The following RB1 variants were observed in gnomAD, a reference collection of about 807,000 sequenced individuals.
RB1 encodes the protein retinoblastoma-associated protein.
RB1 carries 18 observed loss-of-function variants against 135.4 expected under a neutral mutation model. The ratio of observed to expected loss-of-function variants is 0.13; its 90% CI spans 0.09 to 0.20. RB1 has a LOEUF of 0.20. Among genes scored for constraint, RB1 ranks in the 10% least tolerant of loss-of-function variants. The pLI is 1.00. For synonymous variants in RB1, 365 were observed against 373.2 expected, an observed-to-expected ratio of 0.98 and a Z score of 0.25; for missense variants, 868 against 1,110.0, an observed-to-expected ratio of 0.78 and a Z score of 3.10.
intron 1 of RB1, among the ~76,000 whole-genome samples, chr13:48,305,182 T>C (rs1261054701): frequency 2.0e-5 from 3 of 152,200 alleles, no homozygotes; most frequent in Non-Finnish European, 4.4e-5. Context: ...CCCATTCTTG[T>C]CTATCACCAA....
intron 2 of RB1, among the ~76,000 whole-genome samples, chr13:48,307,730 G>T (rs1952095845): frequency 6.6e-6 from 1 of 150,960 alleles, no homozygotes; most frequent in Non-Finnish European, 1.5e-5. Context: ...GCAGGGTGTG[G>T]CGTGCGCCTG....
At chr13:48,459,950 T>TTTCTTCC (rs765008765) in intron 20 of RB1, 117 bp downstream of exon 20, 1 of 228,776 alleles carries the variant, frequency 4.4e-6, no homozygotes, top group Non-Finnish European at 7.3e-6. Flanking sequence ...TCTTTCTTTC[T>TTTCTTCC]TTTTCTTTCT....
At chr13:48,432,147 G>A (rs1949136545) in intron 17 of RB1, among the ~76,000 whole-genome samples, 1 of 152,088 alleles carries the variant, frequency 6.6e-6, no homozygotes, top group African/African-American at 2.4e-5. Context: ...TGCTAATAAG[G>A]GGACATTTGA....
chr13:48,308,570 T>G (rs896673926), intron 2 of RB1, among the ~76,000 whole-genome samples: 1 of 151,810 alleles, frequency 6.6e-6, no homozygotes, highest in Non-Finnish European at 1.5e-5. Flanking sequence ...GGAGAATTGC[T>G]TGAACCTGGG....
At chr13:48,472,213 A>T (rs1165097421) in intron 23 of RB1, among the ~76,000 whole-genome samples, 1 of 152,206 alleles carries the variant, frequency 6.6e-6, no homozygotes, top group African/African-American at 2.4e-5. Flanking sequence ...GGGCAAGAAA[A>T]GGGGGCATAT....
intron 17 of RB1, among the ~76,000 whole-genome samples, chr13:48,415,262 T>TTTTTC (rs576109278): frequency 4.6e-5 from 7 of 151,934 alleles, no homozygotes; most frequent in South Asian, 2.1e-4. Flanking sequence ...CATCTATAGT[T>TTTTTC]TTTTCTTTTC....
Position 48,465,404 on chromosome 13 carries a change from G to C in RB1, c.2489+36G>C, listed in dbSNP as rs777720995. On this transcript the variant is annotated intron_variant, in intron 23 of 26. Transcript: ENST00000267163. The stretch of plus-strand genomic sequence containing the variant: ...TCTCTTTAGGGAAGTAGTAAAGAAT[G>C]AGAGGGGGATTATTTTGATCCAAGA... 6 of 1,522,464 alleles carry C rather than the reference G, an allele frequency of 3.9e-6. No individual in the cohort carries two copies. In the South Asian group the frequency reaches 6.7e-5, roughly 17 times the overall value. The allele number at this position is 1,522,464 out of a possible 1,614,324, so 94.3% of individuals were successfully genotyped here. A position where few individuals can be genotyped will look rare whatever the true frequency, so the allele number is the denominator to read the frequency against.
chr13:48,362,727 TA>T, intron 7 of RB1, 87 bp from the exon 8 acceptor site: 1 of 1,381,496 alleles, frequency 7.2e-7, no homozygotes, highest in Non-Finnish European at 1.0e-6. Flanking sequence ...TTACCAAGAT[TA>T]TTTTTGACCT....
chr13:48,347,787 G>A lies in RB1; in HGVS notation c.501-38G>A, dbSNP rs3092884. Reference sequence around the variant, plus strand: ...AAAACTACTATGACTTCTAAATTACGAAAAAATGTTAAAAAGTCATAATGT... The same window carrying A: ...AAAACTACTATGACTTCTAAATTACAAAAAAATGTTAAAAAGTCATAATGT... On this transcript the variant is annotated intron_variant, in intron 4 of 26. Transcript: ENST00000267163. 1.8e-3 allele frequency: 2,684 copies of A among 1,463,304 alleles called. 46 individuals carry two copies. In the African/African-American group the frequency reaches 0.033, roughly 18 times the overall value. The allele number at this position is 1,463,304 out of a possible 1,614,324, so 90.6% of individuals were successfully genotyped here.
chr13:48,361,856 A>C (rs1203688111), intron 7 of RB1, among the ~76,000 whole-genome samples: 1 of 151,878 alleles, frequency 6.6e-6, no homozygotes. Context: ...GGTATAGTTT[A>C]ACATGTTCTT....
chr13:48,393,465 G>A (rs1418332542), intron 17 of RB1, among the ~76,000 whole-genome samples: 1 of 152,110 alleles, frequency 6.6e-6, no homozygotes, highest in Non-Finnish European at 1.5e-5. Flanking sequence ...AGGGATTGCT[G>A]TTCTGTACTG....
At chr13:48,317,931 G>T in intron 2 of RB1, 1 of 434,322 alleles carries the variant, frequency 2.3e-6, no homozygotes, top group Non-Finnish European at 4.4e-6. Context: ...CTTCTGAACT[G>T]CTCAGACTCC....
chr13:48,463,470 G>A (rs1206921000), intron 20 of RB1, among the ~76,000 whole-genome samples: 1 of 152,140 alleles, frequency 6.6e-6, no homozygotes, highest in African/African-American at 2.4e-5. Flanking sequence ...ACATTTAAGG[G>A]ACAAGAGCCA....
chr13:48,344,274 T>C (rs950951547), intron 3 of RB1, among the ~76,000 whole-genome samples: 16 of 152,222 alleles, frequency 1.1e-4, no homozygotes, highest in African/African-American at 3.6e-4. Context: ...ATAATTCAAT[T>C]CTAAAATCAT....
intron 6 of RB1, among the ~76,000 whole-genome samples, chr13:48,358,494 A>G (rs983529627): frequency 3.9e-5 from 6 of 152,268 alleles, no homozygotes; most frequent in African/African-American, 1.2e-4. Context: ...GAGAAAGTAG[A>G]TAATTCAACT....
intron 17 of RB1, among the ~76,000 whole-genome samples, chr13:48,410,781 G>A (rs1948787591): frequency 6.6e-6 from 1 of 152,026 alleles, no homozygotes; most frequent in African/African-American, 2.4e-5. Flanking sequence ...TCTACAAATT[G>A]CCTACACAGA....
intron 24 of RB1, among the ~76,000 whole-genome samples, chr13:48,475,215 T>C (rs1949496858): frequency 6.6e-6 from 1 of 152,188 alleles, no homozygotes; most frequent in Admixed American, 6.6e-5. Context: ...GCCTATGTTA[T>C]GTGTTGCTAC....
rs1034797836 is a variant in RB1, at chr13:48,303,753, T to C, written c.-160T>C. The C allele has an allele frequency of 9.4e-6, 11 of 1,169,526 alleles. No individual in the cohort carries two copies. The highest frequency in any genetic ancestry group is 1.3e-5 in the Non-Finnish European group (11 of 871,038). The allele number at this position is 1,169,526 out of a possible 1,614,324, so 72.4% of individuals were successfully genotyped here. On this transcript the variant is annotated 5_prime_UTR_variant, in exon 1 of 27. Transcript: ENST00000267163. Reference sequence around the variant, plus strand: ...TCCCGCGGTTGGACGCGGCGCTCAGTTGCCGGGCGGGGGAGGGCGCGTCCG... The same window carrying C: ...TCCCGCGGTTGGACGCGGCGCTCAGCTGCCGGGCGGGGGAGGGCGCGTCCG...
rs1370563103 is a variant in RB1 at position 48,337,683 on chromosome 13, A to G, written c.265-4916A>G. 4.6e-5 allele frequency among the ~76,000 whole-genome samples: 7 copies of G among 152,158 alleles called. No homozygotes were observed. In the East Asian group the frequency reaches 1.2e-3, roughly 25 times the overall value. The stretch of plus-strand genomic sequence containing the variant: ...TGGAGCATTTAGCCCATTTACATTT[A>G]AGGTTAATATTGTTATGTGTGAATT... On this transcript the variant is annotated intron_variant, in intron 2 of 26. Coordinates refer to ENST00000267163, the MANE Select transcript of RB1 (RefSeq NM_000321.3).
Sources: allele counts gnomAD v4.1 joint callset (sites outside exome capture counted in the v4.1 genomes callset), GRCh38; gene constraint gnomAD v4.1.1; transcripts MANE v1.5; gene names NCBI Gene and HGNC (gene_info 2026-07-23, HGNC 2026-07-21).